The following EZH1 variants were observed in gnomAD, a reference collection of about 807,000 sequenced individuals.
The protein encoded by EZH1 is histone-lysine N-methyltransferase EZH1.
A neutral mutation model predicts 100.5 loss-of-function variants in EZH1; 33 were observed. The ratio of observed to expected loss-of-function variants is 0.33; its 90% CI spans 0.25 to 0.44. EZH1 has a LOEUF of 0.44. Ranked by LOEUF, EZH1 falls within the 20% of genes least tolerant of loss-of-function variation. The probability of loss-of-function intolerance (pLI) is 1.00; values close to 1 mark genes in which losing one functional copy is unlikely to be tolerated. For synonymous variants in EZH1, 272 were observed against 313.8 expected, an observed-to-expected ratio of 0.87 and a Z score of 1.41; for missense variants, 475 against 928.4, an observed-to-expected ratio of 0.51 and a Z score of 6.35.
chr17:42,729,015 C>CA (rs373619081), intron 2 of EZH1, 63 bp from the exon 3 acceptor site: 105,433 of 946,906 alleles, frequency 0.11, 204 homozygotes, highest in Non-Finnish European at 0.12. Flanking sequence ...TCCTCAAATA[C>CA]AAAAAAAAAA....
chr17:42,726,334 G>A (rs975576731), intron 4 of EZH1, among the ~76,000 whole-genome samples: 2 of 150,758 alleles, frequency 1.3e-5, no homozygotes, highest in African/African-American at 4.9e-5. Context: ...CGAGTAGCTG[G>A]GATTATAGGC....
chr17:42,723,442 G>C (rs2053757232), intron 5 of EZH1, among the ~76,000 whole-genome samples: 1 of 151,900 alleles, frequency 6.6e-6, no homozygotes, highest in Non-Finnish European at 1.5e-5. Context: ...CTAAGATTAT[G>C]ATCTGTAATT....
rs1404437667 is a variant in EZH1 at position 42,727,619 on chromosome 17, A to C, written c.246+16T>G. The C allele has an allele frequency of 6.2e-7, 1 of 1,601,818 alleles. No homozygotes were observed. Among genetic ancestry groups the C allele is most frequent in the East Asian group, 2.3e-5 (1 of 43,638 alleles). ...CAAGGAAGAGAGGAAGACTGAGCTT[A>C]AACTCCCAAAAGTACCTTTTTGAGA... On this transcript the variant is annotated intron_variant, in intron 4 of 20. Coordinates refer to ENST00000428826, the MANE Select transcript of EZH1 (RefSeq NM_001991.5).
rs2053879425 is a variant in EZH1 at position 42,728,839 on chromosome 17, T to C, written c.103A>G (p.Asn35Asp). The stretch of plus-strand genomic sequence containing the variant: ...TTATTTTTTACCTTTGCACCCATAT[T>C]TGCCTGAAGCCGTTTAAGTTGTCGA... ...RLRQLKRLQANMGAKALYVAN... is the reference protein window; with the variant it reads ...RLRQLKRLQADMGAKALYVAN... Residue 35 changes from asparagine (N) to aspartate (D), a missense_variant, in exon 3 of 21, where the codon AAT becomes GAT. Physicochemically the swap from Asn to Asp is conservative, Grantham distance 23. Coordinates refer to ENST00000428826, the MANE Select transcript of EZH1 (RefSeq NM_001991.5). 6 of 1,613,762 alleles carry C rather than the reference T, an allele frequency of 3.7e-6. No homozygotes were observed. The highest frequency in any genetic ancestry group is 5.1e-6 in the Non-Finnish European group (6 of 1,179,874).
chr17:42,704,048 TG>T (rs2053299963), intron 18 of EZH1, among the ~76,000 whole-genome samples: 1 of 152,208 alleles, frequency 6.6e-6, no homozygotes, highest in Non-Finnish European at 1.5e-5. Context: ...TCTCATCTAC[TG>T]GGCAGGGAGA....
rs774939424 is a variant in EZH1 at position 42,722,753 on chromosome 17, T to C, written c.487+42A>G. 2.5e-6 allele frequency: 4 copies of C among 1,599,092 alleles called. No individual in the cohort carries two copies. In the East Asian group the frequency reaches 6.7e-5, roughly 27 times the overall value. The stretch of plus-strand genomic sequence containing the variant: ...ATGATGAGGTACCAAAGAAGAGGCC[T>C]GATTCTAACAAAATTTTCTCCAAGG... On this transcript the variant is annotated intron_variant, in intron 6 of 20. Transcript: ENST00000428826.
intron 10 of EZH1, among the ~76,000 whole-genome samples, chr17:42,716,520 A>G (rs952927487): frequency 2.8e-4 from 42 of 152,306 alleles, no homozygotes; most frequent in African/African-American, 1.0e-3. Flanking sequence ...TTGTGCATAC[A>G]TTATCTCTGT....
chr17:42,705,989 C>G lies in EZH1; in HGVS notation c.1839+18G>C, dbSNP rs2053346547. On this transcript the variant is annotated intron_variant, in intron 16 of 20. Transcript: ENST00000428826. Reference sequence around the variant, plus strand: ...CCCTCCATTTTATGTGGTGTGGGGTCCTGAGGAAAGGCCTCACCTTCTTAA... The same window carrying G: ...CCCTCCATTTTATGTGGTGTGGGGTGCTGAGGAAAGGCCTCACCTTCTTAA... The G allele has an allele frequency of 6.3e-7, 1 of 1,598,586 alleles. No homozygotes were observed. Among genetic ancestry groups the G allele is most frequent in the Non-Finnish European group, 8.5e-7 (1 of 1,171,738 alleles).
At position 42,706,291 on chromosome 17, in the gene EZH1, G is replaced by A. The variant is rs572867592; in HGVS notation, c.1661-106C>T. The A allele has an allele frequency of 3.8e-6, 4 of 1,064,516 alleles. No homozygotes were observed. The African/African-American group carries it at 4.8e-5, about 13-fold the overall frequency. The allele number at this position is 1,064,516 out of a possible 1,614,324, so 65.9% of individuals were successfully genotyped here. On this transcript the variant is annotated intron_variant, in intron 15 of 20. Coordinates refer to ENST00000428826, the MANE Select transcript of EZH1 (RefSeq NM_001991.5). The surrounding 1 kb of genome is among the most constrained non-coding windows in gnomAD (Gnocchi z 4.4). ...AAGTAAATTTTTTGTGTTCAAGGAT[G>A]TTTGGCAAAATAAGAGGAAGCTCCC...
intron 1 of EZH1, among the ~76,000 whole-genome samples, chr17:42,740,586 G>A (rs1204005086): frequency 3.3e-5 from 5 of 152,150 alleles, no homozygotes; most frequent in Admixed American, 2.6e-4. Context: ...CTGACTTGAA[G>A]TAATCCCCCT....
At chr17:42,740,510 A>G (rs1402406693) in intron 1 of EZH1, among the ~76,000 whole-genome samples, 1 of 152,190 alleles carries the variant, frequency 6.6e-6, no homozygotes, top group East Asian at 1.9e-4. Flanking sequence ...TGCTGGGATT[A>G]CAGGCGTGAG....
In EZH1 at chr17:42,728,819, T is replaced by A. The variant is rs369610710; in HGVS notation, c.117+6A>T. 5 of 1,611,828 alleles carry A rather than the reference T, an allele frequency of 3.1e-6. No individual in the cohort carries two copies. Among genetic ancestry groups the A allele is most frequent in the Non-Finnish European group, 4.2e-6 (5 of 1,179,316 alleles). ...TATAAACTTTCACTTGGGAATTATTTTTTACCTTTGCACCCATATTTGCCT... is the reference window on the plus strand; with the variant it reads ...TATAAACTTTCACTTGGGAATTATTATTTACCTTTGCACCCATATTTGCCT... On this transcript the variant is annotated splice_donor_region_variant and intron_variant, in intron 3 of 20. Coordinates refer to ENST00000428826, the MANE Select transcript of EZH1 (RefSeq NM_001991.5).
intron 16 of EZH1, 100 bp downstream of exon 16, chr17:42,705,907 T>A (rs762518804): frequency 9.8e-5 from 121 of 1,229,822 alleles, no homozygotes; most frequent in Non-Finnish European, 1.2e-4. Flanking sequence ...CACTTTCACA[T>A]ATAAAGCCTC....
In EZH1 at chr17:42,706,607, G is replaced by A. The variant is rs955330900; in HGVS notation, c.1661-422C>T. Among the ~76,000 whole-genome samples, 2 of 152,020 alleles carry A rather than the reference G, an allele frequency of 1.3e-5. No homozygotes were observed. Among genetic ancestry groups the A allele is most frequent in the African/African-American group, 2.4e-5 (1 of 41,368 alleles). ...ATGGATGTAGGGGGATGAATGGCTTGAGCCAGGGAGGTTGAGGCTGCAGTG... is the reference window on the plus strand; with the variant it reads ...ATGGATGTAGGGGGATGAATGGCTTAAGCCAGGGAGGTTGAGGCTGCAGTG... On this transcript the variant is annotated intron_variant, in intron 15 of 20. Transcript: ENST00000428826. This position sits in a 1 kb window ranked among gnomAD's most constrained non-coding sequence, Gnocchi z 4.4.
chr17:42,720,489 C>T, intron 6 of EZH1, 40 bp from the exon 7 acceptor site: 1 of 1,571,978 alleles, frequency 6.4e-7, no homozygotes, highest in Admixed American at 1.9e-5. Flanking sequence ...GTGGTCACTT[C>T]ACATTCCATT....
chr17:42,708,848 T>C (rs1567986021), intron 14 of EZH1, 28 bp downstream of exon 14: 1 of 1,613,750 alleles, frequency 6.2e-7, no homozygotes, highest in East Asian at 2.2e-5. Flanking sequence ...CCAGCTGAAC[T>C]GCTGAAGAAT....
chr17:42,715,237 TATATA>T (rs1459712061), intron 10 of EZH1, among the ~76,000 whole-genome samples: 3 of 142,476 alleles, frequency 2.1e-5, no homozygotes, highest in African/African-American at 2.6e-5. Flanking sequence ...TATGTATTTA[TATATA>T]ATATAATATA....
chr17:42,729,984 A>G (rs1161732547), intron 2 of EZH1, among the ~76,000 whole-genome samples: 1 of 149,964 alleles, frequency 6.7e-6, no homozygotes, highest in Non-Finnish European at 1.5e-5. Flanking sequence ...GTTGCAGTGA[A>G]CCGAGATCAC....
chr17:42,718,603 G>A lies in EZH1; in HGVS notation c.782C>T (p.Thr261Ile), dbSNP rs537354614. 1 of 1,614,166 alleles carries A rather than the reference G, an allele frequency of 6.2e-7. No homozygotes were observed. Among genetic ancestry groups the A allele is most frequent in the South Asian group, 1.1e-5 (1 of 91,070 alleles). Residue 261 changes from threonine to isoleucine, a missense_variant, in exon 9 of 21, where the codon ACA (threonine) becomes ATA (isoleucine). By Grantham distance (89) the Thr-to-Ile change is moderately conservative. Coordinates refer to ENST00000428826, the MANE Select transcript of EZH1 (RefSeq NM_001991.5). This position sits in a 1 kb window ranked among gnomAD's most constrained non-coding sequence, Gnocchi z 4.2. ...DDMKERYREL[T>I]EMSDPNALPP... ...AAGTGCATTGGGGTCTGACATCTCT[G>A]TTAGTTCTCGATACCTATTTAAGAA...
Sources: gnomAD v4.1 joint callset for allele counts (sites outside exome capture counted in the v4.1 genomes callset) on GRCh38, gnomAD v4.1.1 for gene constraint, Gnocchi (gnomAD v3.1) non-coding constraint, MANE v1.5 for transcripts, NCBI Gene and HGNC (gene_info 2026-07-23, HGNC 2026-07-21) for gene names.